SORBS2: variants seen among roughly 807,000 people sequenced by gnomAD.
The protein encoded by SORBS2 is sorbin and SH3 domain containing 2.
In SORBS2, 46 loss-of-function variants were observed where a neutral mutation model predicts 97.7. The ratio of observed to expected loss-of-function variants is 0.47; its 90% CI spans 0.37 to 0.60. The LOEUF (loss-of-function observed/expected upper bound fraction) is 0.60. Ranked by LOEUF, SORBS2 falls within the 20% of genes least tolerant of loss-of-function variation. The pLI is 0.00. For synonymous variants in SORBS2, 476 were observed against 473.4 expected (o/e 1.01, Z -0.07); for missense variants, 1,316 against 1,282.3 (o/e 1.03, Z -0.40).
At chr4:185,815,108 C>T (rs58405474) in intron 1 of SORBS2, among the ~76,000 whole-genome samples, 41,204 of 152,174 alleles carry the variant, frequency 0.27, 5,890 homozygotes, top group Middle Eastern at 0.37. Flanking sequence ...ATGACAAGGA[C>T]ACTTGGCATT....
intron 2 of SORBS2, among the ~76,000 whole-genome samples, chr4:185,731,822 GTCTC>G (rs1260184207): frequency 1.0e-4 from 6 of 59,708 alleles, no homozygotes; most frequent in Admixed American, 8.7e-4. Context: ...CTCCCTGCCT[GTCTC>G]TCTCTTTCTC....
intron 1 of SORBS2, among the ~76,000 whole-genome samples, chr4:185,795,387 A>G (rs896423717): frequency 6.6e-6 from 1 of 152,162 alleles, no homozygotes; most frequent in Non-Finnish European, 1.5e-5. Context: ...TCCCTGCCTC[A>G]GCAATCTTTG....
rs150428395 is a variant in SORBS2 at position 185,772,901 on chromosome 4, C to A, written c.-198+2326G>T. On this transcript the variant is annotated intron_variant, in intron 2 of 20. Transcript: ENST00000284776. ...CTGACATTCATGAAACCTTTGGCAA[C>A]ACAGGCCAAGTTTCGTGCAAGGCTG... is the stretch of plus-strand genomic sequence containing the variant. 403 of 152,304 alleles carry A rather than the reference C, an allele frequency of 2.6e-3. 1 individual carries two copies. The highest frequency in any genetic ancestry group is 8.5e-3 in the African/African-American group (353 of 41,558). The allele number at this position is 152,304 out of a possible 1,614,324, so 9.4% of individuals were successfully genotyped here. A position where few individuals can be genotyped will look rare whatever the true frequency, so the allele number is the denominator to read the frequency against.
chr4:185,943,431 A>G (rs189977140), intron 1 of SORBS2, among the ~76,000 whole-genome samples: 62 of 152,374 alleles, frequency 4.1e-4, no homozygotes, highest in Admixed American at 3.6e-3. Flanking sequence ...AACATCATCT[A>G]CGACATATTC....
chr4:185,634,035 A>G (rs2096952751), intron 4 of SORBS2, among the ~76,000 whole-genome samples: 1 of 152,172 alleles, frequency 6.6e-6, no homozygotes, highest in African/African-American at 2.4e-5. Context: ...TTCAGATTAC[A>G]TGCCTGCCTG....
In SORBS2 at chr4:185,631,785, AC is replaced by A. The variant is rs1458049627; in HGVS notation, c.397-1188del. On this transcript the variant is annotated intron_variant, in intron 4 of 14. Transcript: ENST00000418609. Reference sequence around the variant, plus strand: ...CTCAAAAAAACAAAAACAAAAAACAACAAAAAAACAAAACAAAACAAAACAA... The same window carrying A: ...CTCAAAAAAACAAAAACAAAAAACAAAAAAAAACAAAACAAAACAAAACAA... Among the ~76,000 whole-genome samples, 12 of 117,684 alleles carry A rather than the reference AC, an allele frequency of 1.0e-4. No homozygotes were observed. In the South Asian group the frequency reaches 2.3e-3, roughly 23 times the overall value. 77.2% of individuals were successfully genotyped at this position (117,684 alleles called of 152,430 possible). A position where few individuals can be genotyped will look rare whatever the true frequency, so the allele number is the denominator to read the frequency against.
intron 1 of SORBS2, among the ~76,000 whole-genome samples, chr4:185,952,876 C>T (rs1410613707): frequency 6.6e-6 from 1 of 152,226 alleles, no homozygotes; most frequent in East Asian, 1.9e-4. Flanking sequence ...TCGTAGCAAA[C>T]ATCCTCACAG....
chr4:185,781,664 T>TTCCTGGAC (rs2099031346), intron 1 of SORBS2, among the ~76,000 whole-genome samples: 1 of 60,012 alleles, frequency 1.7e-5, no homozygotes, highest in Non-Finnish European at 4.3e-5. Flanking sequence ...GTCCCTTCCA[T>TTCCTGGAC]TGCCTCCGGC....
At chr4:185,852,007 G>A (rs896505696) in intron 1 of SORBS2, among the ~76,000 whole-genome samples, 6 of 152,124 alleles carry the variant, frequency 3.9e-5, no homozygotes, top group African/African-American at 1.4e-4. Context: ...GTATGTAACA[G>A]GGACCCTTGC....
At chr4:185,600,512 T>C (rs2096237162) in intron 12 of SORBS2, among the ~76,000 whole-genome samples, 1 of 152,148 alleles carries the variant, frequency 6.6e-6, no homozygotes, top group African/African-American at 2.4e-5. Context: ...CTAATTTTTG[T>C]ATTTTTAGTA....
chr4:185,929,301 A>G (rs1296075501), intron 1 of SORBS2, among the ~76,000 whole-genome samples: 2 of 152,154 alleles, frequency 1.3e-5, no homozygotes, highest in Non-Finnish European at 2.9e-5. Context: ...ATTCATTCCA[A>G]CCAGTTAACA....
chr4:185,719,089 G>A (rs953347137), intron 2 of SORBS2, among the ~76,000 whole-genome samples: 3 of 152,128 alleles, frequency 2.0e-5, no homozygotes, highest in Non-Finnish European at 4.4e-5. Context: ...AAAAAAATCG[G>A]TGTACCTGTT....
At chr4:185,949,522 T>G (rs1054314071) in intron 1 of SORBS2, among the ~76,000 whole-genome samples, 8 of 151,990 alleles carry the variant, frequency 5.3e-5, no homozygotes, top group Non-Finnish European at 1.0e-4. Context: ...TCCACGTGAT[T>G]GCAACCACAC....
At chr4:185,755,036 C>A (rs192994533) in intron 2 of SORBS2, among the ~76,000 whole-genome samples, 1 of 152,348 alleles carries the variant, frequency 6.6e-6, no homozygotes, top group East Asian at 1.9e-4. Flanking sequence ...CCACTAATGT[C>A]ATATCTTTAT....
chr4:185,793,399 T>A (rs188606547), intron 1 of SORBS2, among the ~76,000 whole-genome samples: 32 of 152,348 alleles, frequency 2.1e-4, no homozygotes, highest in Admixed American at 3.3e-4. Flanking sequence ...TATCTCCAGA[T>A]GATTAGTTTG....
chr4:185,686,272 T>C (rs1411109661), intron 2 of SORBS2, among the ~76,000 whole-genome samples: 1 of 152,138 alleles, frequency 6.6e-6, no homozygotes, highest in Non-Finnish European at 1.5e-5. Flanking sequence ...TGCTCGGAAG[T>C]ATAATTTGAA....
intron 1 of SORBS2, among the ~76,000 whole-genome samples, chr4:185,905,470 A>G (rs1190366413): frequency 6.6e-6 from 1 of 152,204 alleles, no homozygotes; most frequent in African/African-American, 2.4e-5. Flanking sequence ...TCTCACTTGC[A>G]AATGCTGGAA....
rs2153422786 is a variant in SORBS2, at chr4:185,623,107, C to G, written c.2022G>C (p.Glu674Asp). 2 of 1,614,158 alleles carry G rather than the reference C, an allele frequency of 1.2e-6. No individual in the cohort carries two copies. The highest frequency in any genetic ancestry group is 1.1e-5 in the South Asian group (1 of 91,068). Residue 674 changes from glutamate to aspartate, a missense_variant, in exon 7 of 15, where the codon GAG becomes GAC. Physicochemically the swap from Glu to Asp is conservative, Grantham distance 45. Transcript: ENST00000418609. The surrounding 1 kb of genome is among the most constrained non-coding windows in gnomAD (Gnocchi z 6.4). ...TCAGCGCTCTCAGGGATGAGTTCCT[C>G]TCGGGAACATCTGGCAGCAGCTCAC... is the stretch of plus-strand genomic sequence containing the variant.
At chr4:185,845,527 T>A (rs988259406) in intron 1 of SORBS2, among the ~76,000 whole-genome samples, 2 of 152,126 alleles carry the variant, frequency 1.3e-5, no homozygotes, top group Non-Finnish European at 2.9e-5. Context: ...TGCTTTATAT[T>A]GCACACAAAT....
Sources: gnomAD v4.1 joint callset for allele counts (sites outside exome capture counted in the v4.1 genomes callset) on GRCh38, gnomAD v4.1.1 for gene constraint, Gnocchi (gnomAD v3.1) non-coding constraint, MANE v1.5 for transcripts, NCBI Gene and HGNC (gene_info 2026-07-23, HGNC 2026-07-21) for gene names.